The following ANKRD30B variants were observed in gnomAD, a reference collection of about 807,000 sequenced individuals.
ANKRD30B encodes the protein ankyrin repeat domain-containing protein 30B.
Under a neutral mutation model 202.2 loss-of-function variants are expected in ANKRD30B, and 144 were observed. The ratio of observed to expected loss-of-function variants is 0.71; its 90% CI spans 0.62 to 0.82. ANKRD30B has a LOEUF of 0.82. Ranked by LOEUF, ANKRD30B falls within the 40% of genes least tolerant of loss-of-function variation. The pLI is 0.00. For synonymous variants in ANKRD30B, 508 were observed against 561.3 expected (o/e 0.91, Z 1.34); for missense variants, 1,487 against 1,669.1 (o/e 0.89, Z 1.90).
intron 30 of ANKRD30B, among the ~76,000 whole-genome samples, chr18:14,817,879 A>G (rs1263303472): frequency 6.6e-6 from 1 of 152,142 alleles, no homozygotes; most frequent in African/African-American, 2.4e-5. Flanking sequence ...TTTTTTTATA[A>G]AACACCTACC....
intron 14 of ANKRD30B, 67 bp downstream of exon 14, chr18:14,784,602 A>G: frequency 3.4e-6 from 5 of 1,479,048 alleles, no homozygotes; most frequent in Non-Finnish European, 2.8e-6. Context: ...TAGTCTTTCT[A>G]TCCCCAATGA....
the ANKRD30B span, among the ~76,000 whole-genome samples, chr18:14,940,596 A>G: frequency 6.6e-6 from 1 of 152,254 alleles, no homozygotes; most frequent in Non-Finnish European, 1.5e-5. Context: ...TTGATGCTGC[A>G]AATGGAACTT....
chr18:14,870,284 T>C, the ANKRD30B span, among the ~76,000 whole-genome samples: 1 of 152,214 alleles, frequency 6.6e-6, no homozygotes, highest in African/African-American at 2.4e-5. Context: ...CTGGCCTAAA[T>C]TGTAATAATT....
At chr18:14,775,740 G>T (rs1022952731) in intron 9 of ANKRD30B, among the ~76,000 whole-genome samples, 8 of 152,204 alleles carry the variant, frequency 5.3e-5, no homozygotes, top group African/African-American at 1.7e-4. Context: ...GGATGTGGAA[G>T]AGATAGCAAA....
chr18:14,795,003 A>G (rs565792154), intron 16 of ANKRD30B, among the ~76,000 whole-genome samples: 16 of 152,346 alleles, frequency 1.1e-4, no homozygotes, highest in African/African-American at 3.4e-4. Flanking sequence ...AAGCTTTTTC[A>G]TAACAGTGGC....
the ANKRD30B span, among the ~76,000 whole-genome samples, chr18:14,898,993 AC>A: frequency 6.6e-6 from 1 of 152,200 alleles, no homozygotes; most frequent in Admixed American, 6.5e-5. Context: ...ATAGCCTAAG[AC>A]AGAATATTGT....
the ANKRD30B span, among the ~76,000 whole-genome samples, chr18:14,868,573 G>A: frequency 9.8e-5 from 15 of 152,384 alleles, no homozygotes; most frequent in South Asian, 2.1e-4. Flanking sequence ...GGAAGAAAGG[G>A]AACCTCTCAG....
chr18:14,796,279 A>G lies in ANKRD30B; in HGVS notation c.1854+30A>G, dbSNP rs776429025. 3.7e-6 allele frequency: 6 copies of G among 1,609,642 alleles called. No individual in the cohort carries two copies. The South Asian group carries it at 5.5e-5, about 15-fold the overall frequency. Reference sequence around the variant, plus strand: ...TAACTTTTATATTGCTATCTTGAATACTAACTACATATTTTAGGAAGCATA... The same window carrying G: ...TAACTTTTATATTGCTATCTTGAATGCTAACTACATATTTTAGGAAGCATA... On this transcript the variant is annotated intron_variant, in intron 17 of 43. Transcript: ENST00000690538.
chr18:14,774,983 C>A (rs966130900), intron 9 of ANKRD30B, among the ~76,000 whole-genome samples: 1 of 152,108 alleles, frequency 6.6e-6, no homozygotes, highest in East Asian at 1.9e-4. Context: ...ACAAAGTAGA[C>A]GGGCGTGGTG....
At chr18:14,765,738 T>C (rs1462694689) in intron 7 of ANKRD30B, among the ~76,000 whole-genome samples, 7 of 151,656 alleles carry the variant, frequency 4.6e-5, no homozygotes, top group Non-Finnish European at 8.8e-5. Flanking sequence ...TAGTAGTTCA[T>C]GCTATAGTCT....
At chr18:14,818,187 A>G (rs534917071) in intron 30 of ANKRD30B, among the ~76,000 whole-genome samples, 1 of 152,168 alleles carries the variant, frequency 6.6e-6, no homozygotes. Flanking sequence ...CTTTTTCATA[A>G]CAGTGTTTTA....
chr18:14,748,669 CAGG>C (rs1196682656), intron 1 of ANKRD30B, 29 bp downstream of exon 1: 8 of 1,506,560 alleles, frequency 5.3e-6, no homozygotes, highest in East Asian at 2.5e-5. Flanking sequence ...GCCGGGGCTG[CAGG>C]AGGAGGAGGC....
intron 36 of ANKRD30B, among the ~76,000 whole-genome samples, chr18:14,839,293 G>A (rs867382797): frequency 6.6e-6 from 1 of 152,200 alleles, no homozygotes; most frequent in Admixed American, 6.5e-5. Flanking sequence ...GTATGGGAGT[G>A]GCAGTGGAAT....
At position 14,851,519 on chromosome 18, in the gene ANKRD30B, C is replaced by G. The variant is rs969858100; in HGVS notation, c.3575C>G (p.Thr1192Ser). 1.3e-6 allele frequency: 2 copies of G among 1,533,292 alleles called. No individual in the cohort carries two copies. 95.0% of individuals were successfully genotyped at this position (1,533,292 alleles called of 1,614,324 possible). A position where few individuals can be genotyped will look rare whatever the true frequency, so the allele number is the denominator to read the frequency against. The change falls in exon 42 of 44, where the codon ACT (threonine) becomes AGT (serine). Residue 1192 changes from threonine (T) to serine (S), a missense_variant. By Grantham distance (58) the Thr-to-Ser change is moderately conservative (BLOSUM62 1). Coordinates refer to ENST00000690538, the MANE Select transcript of ANKRD30B (RefSeq NM_001367607.2). ...VTSNLNQVSH[T>S]HESENDLFHE... The stretch of plus-strand genomic sequence containing the variant: ...TTTTGTTTTATTTAGGTTTCTCACA[C>G]TCATGAAAGTGAAAATGATCTCTTT...
At chr18:14,860,687 G>GA in the ANKRD30B span, among the ~76,000 whole-genome samples, 237 of 149,388 alleles carry the variant, frequency 1.6e-3, no homozygotes, top group African/African-American at 5.4e-3. Flanking sequence ...TCTTCTTAAA[G>GA]AAAAAAAAAT....
At position 14,797,656 on chromosome 18, in the gene ANKRD30B, T is replaced by A; in HGVS notation, c.1928-5T>A. ...AATCAATTATAAATGTCCCTTTTCT[T>A]TTAGAGTCTCCTGATAAAGATGGTC... On this transcript the variant is annotated splice_polypyrimidine_tract_variant and splice_region_variant and intron_variant, in intron 18 of 43. Coordinates refer to ENST00000690538, the MANE Select transcript of ANKRD30B (RefSeq NM_001367607.2). 6.2e-7 allele frequency: 1 copy of A among 1,606,692 alleles called. No individual in the cohort carries two copies. The highest frequency in any genetic ancestry group is 1.1e-5 in the South Asian group (1 of 90,884).
the ANKRD30B span, among the ~76,000 whole-genome samples, chr18:14,925,777 A>G: frequency 6.6e-6 from 1 of 152,168 alleles, no homozygotes; most frequent in Non-Finnish European, 1.5e-5. Flanking sequence ...CTGAGCTCAC[A>G]CAGCGCCTGG....
At chr18:14,775,071 G>A (rs1967271715) in intron 9 of ANKRD30B, among the ~76,000 whole-genome samples, 1 of 152,206 alleles carries the variant, frequency 6.6e-6, no homozygotes. Context: ...AGCTTGCAGT[G>A]AGCCCAGATC....
At position 14,810,200 on chromosome 18, in the gene ANKRD30B, T is replaced by G. The variant is rs1969833357; in HGVS notation, c.2488+20T>G. On this transcript the variant is annotated intron_variant, in intron 28 of 43. Transcript: ENST00000690538. ...AAGCAGGTAAACTTTGTAATTTAAA[T>G]TTTACTCTGGAATTAAGAATATTAA... 9 of 1,291,778 alleles carry G rather than the reference T, an allele frequency of 7.0e-6. No individual in the cohort carries two copies. Among genetic ancestry groups the G allele is most frequent in the Non-Finnish European group, 9.6e-6 (9 of 939,452 alleles). 80.0% of individuals were successfully genotyped at this position (1,291,778 alleles called of 1,614,324 possible).
Sources: allele counts gnomAD v4.1 joint callset (sites outside exome capture counted in the v4.1 genomes callset), GRCh38; gene constraint gnomAD v4.1.1; transcripts MANE v1.5; gene names NCBI Gene and HGNC (gene_info 2026-07-23, HGNC 2026-07-21).